ADGRV1: variants seen among roughly 807,000 people sequenced by gnomAD.
ADGRV1 encodes G-protein coupled receptor 98.
A neutral mutation model predicts 596.2 loss-of-function variants in ADGRV1; 359 were observed. The ratio of observed to expected loss-of-function variants is 0.60; its 90% CI spans 0.55 to 0.66. The LOEUF (loss-of-function observed/expected upper bound fraction) is 0.66, where lower values mean the gene tolerates loss of function less well. Ranked by LOEUF, ADGRV1 falls within the 30% of genes least tolerant of loss-of-function variation. The pLI, the probability that ADGRV1 is intolerant of heterozygous loss-of-function variation, is 0.00. For synonymous variants in ADGRV1, 2,681 were observed against 2,679.2 expected, an observed-to-expected ratio of 1.00 and a Z score of -0.02; for missense variants, 7,274 against 7,575.6, an observed-to-expected ratio of 0.96 and a Z score of 1.48.
intron 83 of ADGRV1, among the ~76,000 whole-genome samples, chr5:90,888,372 T>A (rs1770499933): frequency 6.6e-6 from 1 of 152,196 alleles, no homozygotes; most frequent in Non-Finnish European, 1.5e-5. Flanking sequence ...TTTTTGTTTT[T>A]GCATTTGCAT....
chr5:91,109,330 A>G (rs1408662314), intron 87 of ADGRV1, among the ~76,000 whole-genome samples: 1 of 152,208 alleles, frequency 6.6e-6, no homozygotes, highest in African/African-American at 2.4e-5. Context: ...TTATTCAATC[A>G]GAATTGTTTC....
intron 75 of ADGRV1, among the ~76,000 whole-genome samples, chr5:90,818,676 G>A (rs1763163370): frequency 6.7e-6 from 1 of 149,538 alleles, no homozygotes; most frequent in African/African-American, 2.4e-5. Context: ...AGATAATCAT[G>A]TGGTTTTTGT....
chr5:90,628,808 T>G lies in ADGRV1; in HGVS notation c.1485T>G (p.Gly495=). Residue 495 remains glycine (G), a synonymous_variant, in exon 8 of 90, where the codon GGT becomes GGG. Coordinates refer to ENST00000405460, the MANE Select transcript of ADGRV1 (RefSeq NM_032119.4). ...TTCTGCCTCATACAATACGAGGAGG[T>G]GCAGAAGTGAGCGAGCCAGCGGAGG... is the stretch of plus-strand genomic sequence containing the variant. ...LQILPHTIRG[G]AEVSEPAELL... 1 of 1,613,970 alleles carries G rather than the reference T, an allele frequency of 6.2e-7. No homozygotes were observed. Among genetic ancestry groups the G allele is most frequent in the Non-Finnish European group, 8.5e-7 (1 of 1,179,862 alleles).
At chr5:91,095,449 T>C (rs1158703098) in intron 86 of ADGRV1, among the ~76,000 whole-genome samples, 1 of 152,202 alleles carries the variant, frequency 6.6e-6, no homozygotes, top group Non-Finnish European at 1.5e-5. Context: ...CACTCTCCCA[T>C]GCACAGTATC....
intron 83 of ADGRV1, among the ~76,000 whole-genome samples, chr5:90,961,851 T>G (rs1778060093): frequency 1.3e-5 from 2 of 152,218 alleles, no homozygotes; most frequent in African/African-American, 4.8e-5. Context: ...TTAAGTTGTG[T>G]ATATGTTATA....
intron 50 of ADGRV1, among the ~76,000 whole-genome samples, chr5:90,731,770 C>T (rs1375563825): frequency 6.6e-6 from 1 of 152,104 alleles, no homozygotes; most frequent in Non-Finnish European, 1.5e-5. Context: ...ACATTTTGCT[C>T]TTAGAATCTA....
chr5:90,635,330 T>C (rs1010315817), intron 10 of ADGRV1, 40 bp downstream of exon 10: 2 of 1,519,576 alleles, frequency 1.3e-6, no homozygotes, highest in Admixed American at 1.9e-5. Context: ...CTAATGAGTA[T>C]GAAGTAATGT....
chr5:90,673,970 A>G (rs1020997035), intron 22 of ADGRV1, 84 bp from the exon 23 acceptor site: 2 of 909,670 alleles, frequency 2.2e-6, no homozygotes, highest in African/African-American at 1.7e-5. Context: ...TTTAAATATA[A>G]TTTAGTTGCC....
intron 58 of ADGRV1, among the ~76,000 whole-genome samples, chr5:90,762,452 A>T (rs527771606): frequency 1.3e-5 from 2 of 152,344 alleles, no homozygotes; most frequent in African/African-American, 4.8e-5. Context: ...AAACAAAACA[A>T]GATTGTATTG....
chr5:90,819,296 T>G (rs1295612749), intron 75 of ADGRV1, among the ~76,000 whole-genome samples: 2 of 151,500 alleles, frequency 1.3e-5, no homozygotes, highest in Non-Finnish European at 2.9e-5. Flanking sequence ...TCTATTTGAT[T>G]CTTCTCTCTT....
chr5:90,930,430 A>G (rs1775128149), intron 83 of ADGRV1, among the ~76,000 whole-genome samples: 1 of 152,200 alleles, frequency 6.6e-6, no homozygotes, highest in Non-Finnish European at 1.5e-5. Flanking sequence ...CATAATCTAA[A>G]ATTCATAACG....
intron 11 of ADGRV1, 125 bp downstream of exon 11, chr5:90,638,073 T>C (rs756847223): frequency 1.6e-5 from 10 of 643,050 alleles, no homozygotes; most frequent in Non-Finnish European, 2.3e-5. Context: ...AATAGTGTTA[T>C]ACTGGCCTTC....
chr5:90,815,638 C>T lies in ADGRV1; in HGVS notation c.16098C>T (p.Gly5366=), dbSNP rs876657471. The stretch of plus-strand genomic sequence containing the variant: ...TTTCAGGGAGTGACCTTCACAATGG[C>T]ATCATAGGATTCAGTGAGGAGTCCC... The part of the protein sequence containing the change: ...VIITGSDLHN[G]IIGFSEESQS... Residue 5366 remains glycine, a synonymous_variant, in exon 75 of 90, where the codon GGC becomes GGT. Transcript: ENST00000405460. The T allele has an allele frequency of 2.6e-6, 4 of 1,567,898 alleles. No homozygotes were observed. Among genetic ancestry groups the T allele is most frequent in the Non-Finnish European group, 3.5e-6 (4 of 1,153,014 alleles).
At chr5:90,565,147 G>A (rs563299033) in intron 1 of ADGRV1, among the ~76,000 whole-genome samples, 1 of 152,204 alleles carries the variant, frequency 6.6e-6, no homozygotes, top group African/African-American at 2.4e-5. Flanking sequence ...TGAGTCAAGA[G>A]AATCGTTTGA....
At chr5:90,975,369 A>G (rs894983915) in intron 84 of ADGRV1, among the ~76,000 whole-genome samples, 1 of 152,204 alleles carries the variant, frequency 6.6e-6, no homozygotes, top group Non-Finnish European at 1.5e-5. Flanking sequence ...CCAAAGGATT[A>G]TAAATCATGC....
At chr5:91,030,915 G>T in intron 85 of ADGRV1, 2 of 630,562 alleles carry the variant, frequency 3.2e-6, no homozygotes, top group South Asian at 8.7e-5. Flanking sequence ...TGAAGAAACT[G>T]CAGTCTTGTG....
At position 90,961,509 on chromosome 5, in the gene ADGRV1, G is replaced by GC. The variant is rs1178396462; in HGVS notation, c.17857-3906_17857-3905insC. The stretch of plus-strand genomic sequence containing the variant: ...TCTCAAAAAAAAAAAAAAAAAAAAG[G>GC]GGGGGTGGCGGTCATTTCAAGAATA... On this transcript the variant is annotated intron_variant, in intron 83 of 89. Transcript: ENST00000405460. Among the ~76,000 whole-genome samples the GC allele has an allele frequency of 1.4e-3, 192 of 139,528 alleles. 2 individuals carry two copies. Among genetic ancestry groups the GC allele is most frequent in the African/African-American group, 5.0e-3 (176 of 34,926 alleles). The allele number at this position is 139,528 out of a possible 152,430, so 91.5% of individuals were successfully genotyped here. A position where few individuals can be genotyped will look rare whatever the true frequency, so the allele number is the denominator to read the frequency against.
At chr5:90,976,783 C>A (rs1779652442) in intron 84 of ADGRV1, among the ~76,000 whole-genome samples, 1 of 152,146 alleles carries the variant, frequency 6.6e-6, no homozygotes, top group African/African-American at 2.4e-5. Context: ...TAGCAGTCTG[C>A]ATCAGTTATG....
In ADGRV1 at chr5:90,791,144, C is replaced by T; in HGVS notation, c.14315C>T (p.Ser4772Leu). 7 of 1,613,938 alleles carry T rather than the reference C, an allele frequency of 4.3e-6. No homozygotes were observed. The highest frequency in any genetic ancestry group is 5.9e-6 in the Non-Finnish European group (7 of 1,179,880). ...GVFALYSDRQ[S>L]ILIGQNLIRS... ...TTTGCCCTGTATTCGGATCGCCAGT[C>T]AATACTTATTGGGCAGAACCTTATT... The change falls in exon 70 of 90, where the codon TCA becomes TTA. Residue 4772 changes from serine to leucine, a missense_variant. Ser to Leu is a moderately radical substitution (Grantham distance 145, BLOSUM62 -2). Coordinates refer to ENST00000405460, the MANE Select transcript of ADGRV1 (RefSeq NM_032119.4).
Sources: gnomAD v4.1 joint callset for allele counts (sites outside exome capture counted in the v4.1 genomes callset) on GRCh38, gnomAD v4.1.1 for gene constraint, MANE v1.5 for transcripts, NCBI Gene and HGNC (gene_info 2026-07-23, HGNC 2026-07-21) for gene names.